The following NIP7 variants were observed in gnomAD, a reference collection of about 807,000 sequenced individuals.
NIP7 encodes nucleolar pre-rRNA processing protein NIP7.
A neutral mutation model predicts 20.1 loss-of-function variants in NIP7; 12 were observed. The observed-to-expected ratio is 0.60, with a 90% CI of 0.38 to 0.97. NIP7 has a LOEUF of 0.97. Ranked by LOEUF, NIP7 falls within the 50% of genes least tolerant of loss-of-function variation. NIP7 has a pLI of 0.00. For synonymous variants in NIP7, 103 were observed against 87.2 expected (o/e 1.18, Z -1.01); for missense variants, 226 against 226.6 (o/e 1.00, Z 0.02).
At chr16:69,340,976 G>A (rs1389459895) in intron 3 of NIP7, 3 of 492,488 alleles carry the variant, frequency 6.1e-6, no homozygotes, top group Admixed American at 3.6e-5. Context: ...GCCTCCCAAA[G>A]TGCTGGGATT....
chr16:69,341,447 T>C (rs2142672343), intron 4 of NIP7, 86 bp from the exon 5 acceptor site: 2 of 1,584,574 alleles, frequency 1.3e-6, no homozygotes, highest in Non-Finnish European at 1.7e-6. Context: ...CAGAACTGTA[T>C]TTTTTCCGTC....
chr16:69,341,694 G>T lies in NIP7; in HGVS notation c.*42G>T, dbSNP rs189670796. ...GGACAGACGGCTGTATGGAAAGGCC[G>T]AGCTTTGTTTCCTGTGTTTGTGTGG... is the stretch of plus-strand genomic sequence containing the variant. On this transcript the variant is annotated 3_prime_UTR_variant, in exon 5 of 5. Coordinates refer to ENST00000254940, the MANE Select transcript of NIP7 (RefSeq NM_016101.5). 169 of 1,609,830 alleles carry T rather than the reference G, an allele frequency of 1.0e-4. No individual in the cohort carries two copies. In the African/African-American group the frequency reaches 1.8e-3, roughly 18 times the overall value.
intron 3 of NIP7, 46 bp from the exon 4 acceptor site, chr16:69,341,134 G>T: frequency 6.4e-7 from 1 of 1,554,268 alleles, no homozygotes; most frequent in Non-Finnish European, 8.8e-7. Context: ...TGCATGGATA[G>T]AAATAGTAAC....
chr16:69,342,788 G>A lies in NIP7; in HGVS notation c.*1136G>A, dbSNP rs2012596380. On this transcript the variant is annotated 3_prime_UTR_variant, in exon 5 of 5. Coordinates refer to ENST00000254940, the MANE Select transcript of NIP7 (RefSeq NM_016101.5). ...ATTTTTCTTGGATGGGATGACGCTAGGCTGGAAAGTTTTTTTCATCACTAT... is the reference window on the plus strand; with the variant it reads ...ATTTTTCTTGGATGGGATGACGCTAAGCTGGAAAGTTTTTTTCATCACTAT... The A allele has an allele frequency of 6.6e-6, 1 of 152,008 alleles. No homozygotes were observed. The highest frequency in any genetic ancestry group is 1.5e-5 in the Non-Finnish European group (1 of 68,012). 9.4% of individuals were successfully genotyped at this position (152,008 alleles called of 1,614,324 possible).
Position 69,342,053 on chromosome 16 carries a change from G to A in NIP7, c.*401G>A, listed in dbSNP as rs1482996507. On this transcript the variant is annotated 3_prime_UTR_variant, in exon 5 of 5. Transcript: ENST00000254940. ...GCCATAACAGAATAATAAACCACATGTGGGGTTTTAAAAATGAAATTTGGC... is the reference window on the plus strand; with the variant it reads ...GCCATAACAGAATAATAAACCACATATGGGGTTTTAAAAATGAAATTTGGC... 1 of 156,130 alleles carries A rather than the reference G, an allele frequency of 6.4e-6. No individual in the cohort carries two copies. The highest frequency in any genetic ancestry group is 2.4e-5 in the African/African-American group (1 of 41,446). 9.7% of individuals were successfully genotyped at this position (156,130 alleles called of 1,614,324 possible).
In NIP7 at chr16:69,340,183, T is replaced by A. The variant is rs2012477662; in HGVS notation, c.144-11T>A. The A allele has an allele frequency of 6.2e-7, 1 of 1,613,408 alleles. No individual in the cohort carries two copies. Among genetic ancestry groups the A allele is most frequent in the African/African-American group, 1.3e-5 (1 of 74,392 alleles). ...TTCATCCGCAACCTTGCTCCCCCTT[T>A]ACCCTTTTAGTGAGAAGATTATGAA... On this transcript the variant is annotated splice_polypyrimidine_tract_variant and intron_variant, in intron 2 of 4. Coordinates refer to ENST00000254940, the MANE Select transcript of NIP7 (RefSeq NM_016101.5).
chr16:69,341,696 G>C lies in NIP7; in HGVS notation c.*44G>C, dbSNP rs1442730082. 1 of 1,609,422 alleles carries C rather than the reference G, an allele frequency of 6.2e-7. No homozygotes were observed. The highest frequency in any genetic ancestry group is 1.3e-5 in the African/African-American group (1 of 74,880). On this transcript the variant is annotated 3_prime_UTR_variant, in exon 5 of 5. Transcript: ENST00000254940. ...ACAGACGGCTGTATGGAAAGGCCGA[G>C]CTTTGTTTCCTGTGTTTGTGTGGAC...
rs778578482 is a variant in NIP7, at chr16:69,340,070, AACG to A, written c.124_126del (p.Asp42del). The A allele has an allele frequency of 1.2e-6, 2 of 1,613,934 alleles. No individual in the cohort carries two copies. Among genetic ancestry groups the A allele is most frequent in the East Asian group, 2.2e-5 (1 of 44,888 alleles). Reference sequence around the variant, plus strand: ...TGGCACCTACTGTTTCCGTCTGCACAACGACCGGGTGTACTATGTGAGGTGAGG... The same window carrying A: ...TGGCACCTACTGTTTCCGTCTGCACAACCGGGTGTACTATGTGAGGTGAGG... On this transcript the variant is annotated inframe_deletion, in exon 2 of 5. Coordinates refer to ENST00000254940, the MANE Select transcript of NIP7 (RefSeq NM_016101.5).
intron 3 of NIP7, chr16:69,340,800 CT>C: frequency 4.5e-6 from 1 of 224,242 alleles, no homozygotes; most frequent in East Asian, 1.2e-4. Flanking sequence ...TCACTGCAGC[CT>C]CCACTTTCCA....
In NIP7 at chr16:69,342,851, A is replaced by C. The variant is rs1253408026; in HGVS notation, c.*1199A>C. On this transcript the variant is annotated 3_prime_UTR_variant, in exon 5 of 5. Transcript: ENST00000254940. The stretch of plus-strand genomic sequence containing the variant: ...CAATTTTTTCTATGAACCTTTACTT[A>C]CTTGACTGGATTGGACTAAAAGCAC... 6.6e-6 allele frequency: 1 copy of C among 152,136 alleles called. No homozygotes were observed. Among genetic ancestry groups the C allele is most frequent in the African/African-American group, 2.4e-5 (1 of 41,424 alleles). The allele number at this position is 152,136 out of a possible 1,614,324, so 9.4% of individuals were successfully genotyped here. A position where few individuals can be genotyped will look rare whatever the true frequency, so the allele number is the denominator to read the frequency against.
Position 69,341,726 on chromosome 16 carries a change from C to T in NIP7, c.*74C>T, listed in dbSNP as rs989301299. ...GTTTCCTGTGTTTGTGTGGACTCCA[C>T]CATCATGTTGAATTTTGTCAACACT... On this transcript the variant is annotated 3_prime_UTR_variant, in exon 5 of 5. Coordinates refer to ENST00000254940, the MANE Select transcript of NIP7 (RefSeq NM_016101.5). 8 of 1,574,456 alleles carry T rather than the reference C, an allele frequency of 5.1e-6. No homozygotes were observed. Among genetic ancestry groups the T allele is most frequent in the Non-Finnish European group, 6.9e-6 (8 of 1,153,184 alleles).
chr16:69,341,127 A>T, intron 3 of NIP7, 53 bp from the exon 4 acceptor site: 2 of 1,484,998 alleles, frequency 1.3e-6, no homozygotes, highest in Non-Finnish European at 1.9e-6. Context: ...GCTTGTCTGC[A>T]TGGATAGAAA....
rs778115063 is a variant in NIP7 at position 69,339,826 on chromosome 16, A to G, written c.-4A>G. 3.1e-6 allele frequency: 5 copies of G among 1,612,170 alleles called. No homozygotes were observed. Among genetic ancestry groups the G allele is most frequent in the East Asian group, 4.5e-5 (2 of 44,880 alleles). On this transcript the variant is annotated 5_prime_UTR_variant, in exon 1 of 5. Transcript: ENST00000254940. ...GGATCCGGTGTTCCAACCCAGGGGG[A>G]AAAATGCGGCCTTTGACTGAAGAGG...
chr16:69,341,119 T>C lies in NIP7; in HGVS notation c.283-61T>C, dbSNP rs2012526765. The C allele has an allele frequency of 3.1e-5, 43 of 1,392,886 alleles. No homozygotes were observed. In the South Asian group the frequency reaches 4.5e-4, roughly 15 times the overall value. The allele number at this position is 1,392,886 out of a possible 1,614,324, so 86.3% of individuals were successfully genotyped here. ...ATTATTCACAGATCCAGCAGCTAGC[T>C]TGTCTGCATGGATAGAAATAGTAAC... On this transcript the variant is annotated intron_variant, in intron 3 of 4. Transcript: ENST00000254940.
chr16:69,341,680 T>C lies in NIP7; in HGVS notation c.*28T>C, dbSNP rs1306832474. Reference sequence around the variant, plus strand: ...CGAAGCCATTCCAAGGACAGACGGCTGTATGGAAAGGCCGAGCTTTGTTTC... The same window carrying C: ...CGAAGCCATTCCAAGGACAGACGGCCGTATGGAAAGGCCGAGCTTTGTTTC... On this transcript the variant is annotated 3_prime_UTR_variant, in exon 5 of 5. Transcript: ENST00000254940. 1.2e-6 allele frequency: 2 copies of C among 1,611,846 alleles called. No homozygotes were observed. The highest frequency in any genetic ancestry group is 8.5e-7 in the Non-Finnish European group (1 of 1,178,696).
rs2012571974 is a variant in NIP7, at chr16:69,342,035, C to T, written c.*383C>T. On this transcript the variant is annotated 3_prime_UTR_variant, in exon 5 of 5. Transcript: ENST00000254940. ...ATATGCAACATAGACATTGCCATAA[C>T]AGAATAATAAACCACATGTGGGGTT... is the stretch of plus-strand genomic sequence containing the variant. The T allele has an allele frequency of 6.3e-6, 1 of 158,854 alleles. No individual in the cohort carries two copies. Among genetic ancestry groups the T allele is most frequent in the African/African-American group, 2.4e-5 (1 of 41,500 alleles). The allele number at this position is 158,854 out of a possible 1,614,324, so 9.8% of individuals were successfully genotyped here. A position where few individuals can be genotyped will look rare whatever the true frequency, so the allele number is the denominator to read the frequency against.
intron 3 of NIP7, chr16:69,340,535 C>A: frequency 1.5e-6 from 1 of 652,026 alleles, no homozygotes; most frequent in Non-Finnish European, 2.6e-6. Context: ...TTAGTTTTCT[C>A]CAGCGAAGTA....
rs1375017761 is a variant in NIP7 at position 69,339,819 on chromosome 16, CA to C, written c.-10del. The C allele has an allele frequency of 6.2e-7, 1 of 1,612,396 alleles. No homozygotes were observed. Among genetic ancestry groups the C allele is most frequent in the African/African-American group, 1.3e-5 (1 of 74,852 alleles). ...GGCACGAGGATCCGGTGTTCCAACC[CA>C]GGGGGAAAAATGCGGCCTTTGACTG... is the stretch of plus-strand genomic sequence containing the variant. On this transcript the variant is annotated 5_prime_UTR_variant, in exon 1 of 5. Coordinates refer to ENST00000254940, the MANE Select transcript of NIP7 (RefSeq NM_016101.5).
chr16:69,341,783 ACTCT>A lies in NIP7; in HGVS notation c.*134_*137del. The A allele has an allele frequency of 2.0e-6, 2 of 1,016,710 alleles. No individual in the cohort carries two copies. The highest frequency in any genetic ancestry group is 3.3e-5 in the South Asian group (2 of 61,114). The allele number at this position is 1,016,710 out of a possible 1,614,324, so 63.0% of individuals were successfully genotyped here. ...TCTTCAGGGACTTCTTATTTACTGT[ACTCT>A]CTATCACTGACAAATGCAGGCTGGA... On this transcript the variant is annotated 3_prime_UTR_variant, in exon 5 of 5. Transcript: ENST00000254940.
Sources: allele counts gnomAD v4.1 joint callset, GRCh38; gene constraint gnomAD v4.1.1; transcripts MANE v1.5; gene names NCBI Gene and HGNC (gene_info 2026-07-23, HGNC 2026-07-21).